KLC1: variants seen among roughly 807,000 people sequenced by gnomAD.
KLC1 encodes kinesin 2 60/70kDa.
A neutral mutation model predicts 84.2 loss-of-function variants in KLC1; 30 were observed. The ratio of observed to expected loss-of-function variants is 0.36; its 90% CI spans 0.27 to 0.48. The LOEUF (loss-of-function observed/expected upper bound fraction) is 0.48, where lower values mean the gene tolerates loss of function less well. Ranked by LOEUF, KLC1 falls within the 20% of genes least tolerant of loss-of-function variation. KLC1 has a pLI of 0.99. For synonymous variants in KLC1, 289 were observed against 293.3 expected (o/e 0.99, Z 0.15); for missense variants, 499 against 805.4 (o/e 0.62, Z 4.60).
chr14:103,676,743 A>G (rs966228526), intron 11 of KLC1, among the ~76,000 whole-genome samples: 2 of 151,526 alleles, frequency 1.3e-5, no homozygotes, highest in African/African-American at 4.9e-5. Context: ...AGTGAACAGA[A>G]CTCTCTCGAA....
chr14:103,696,188 A>G (rs1316925154), intron 15 of KLC1: 20 of 979,652 alleles, frequency 2.0e-5, no homozygotes, highest in East Asian at 2.4e-4. Flanking sequence ...GGCGGACAGC[A>G]TATCTCTGGG....
intron 1 of KLC1, among the ~76,000 whole-genome samples, chr14:103,644,815 G>A (rs991437827): frequency 5.0e-4 from 76 of 152,246 alleles, no homozygotes; most frequent in African/African-American, 1.7e-3. Flanking sequence ...TTTTTGGGGG[G>A]TCAAGTTCTA....
Position 103,640,002 on chromosome 14 carries a change from G to A in KLC1, c.-2+10508G>A, listed in dbSNP as rs532882555. Among the ~76,000 whole-genome samples, 68 of 151,922 alleles carry A rather than the reference G, an allele frequency of 4.5e-4. 1 individual carries two copies. Among genetic ancestry groups the A allele is most frequent in the Non-Finnish European group, 8.1e-4 (55 of 68,012 alleles). On this transcript the variant is annotated intron_variant, in intron 1 of 16. Transcript: ENST00000334553. ...AATCCTGAGCTCAAGAGATCCACCC[G>A]CCTTGGCCTCCCAAAGTGCTGGGAT...
intron 1 of KLC1, among the ~76,000 whole-genome samples, chr14:103,635,952 A>G (rs987028667): frequency 6.6e-6 from 1 of 152,140 alleles, no homozygotes; most frequent in African/African-American, 2.4e-5. Flanking sequence ...GTGAATCATG[A>G]TAATGCTGTT....
chr14:103,672,741 G>T (rs910170667), intron 7 of KLC1, among the ~76,000 whole-genome samples: 2 of 152,094 alleles, frequency 1.3e-5, no homozygotes, highest in African/African-American at 4.8e-5. Context: ...TACAACCAAT[G>T]TACAAAAATA....
intron 13 of KLC1, chr14:103,686,472 C>G (rs1329200596): frequency 6.5e-6 from 1 of 152,992 alleles, no homozygotes; most frequent in African/African-American, 2.4e-5. Context: ...ACTCTCACCT[C>G]CCTACAAGGT....
At chr14:103,649,896 C>T (rs1031107761) in intron 1 of KLC1, among the ~76,000 whole-genome samples, 2 of 152,054 alleles carry the variant, frequency 1.3e-5, no homozygotes, top group African/African-American at 2.4e-5. Flanking sequence ...GGGGTTTCAC[C>T]GTGTTAGCCA....
intron 11 of KLC1, among the ~76,000 whole-genome samples, chr14:103,676,773 T>C (rs1214647119): frequency 6.6e-6 from 1 of 152,228 alleles, no homozygotes; most frequent in Non-Finnish European, 1.5e-5. Flanking sequence ...TATGCTAAAA[T>C]GAATCTAGGT....
In KLC1 at chr14:103,701,318, C is replaced by T; in HGVS notation, c.*119C>T. 1 of 1,105,392 alleles carries T rather than the reference C, an allele frequency of 9.0e-7. No homozygotes were observed. The highest frequency in any genetic ancestry group is 1.3e-6 in the Non-Finnish European group (1 of 762,462). 68.5% of individuals were successfully genotyped at this position (1,105,392 alleles called of 1,614,324 possible). ...CGGGAGCCGCAGCGCTCACTCATTT[C>T]TCCTGCGTCTGTGTGCATAGGACAT... On this transcript the variant is annotated 3_prime_UTR_variant, in exon 17 of 17. Coordinates refer to ENST00000334553, the MANE Select transcript of KLC1 (RefSeq NM_001394837.1).
In KLC1 at chr14:103,694,846, CT is replaced by C. The variant is rs2082330150; in HGVS notation, c.1848+2424del. On this transcript the variant is annotated intron_variant, in intron 15 of 16. Coordinates refer to ENST00000334553, the MANE Select transcript of KLC1 (RefSeq NM_001394837.1). The surrounding 1 kb of genome is among the most constrained non-coding windows in gnomAD (Gnocchi z 4.5). ...CCTGAGGTTTTGTTACAAGGCTAGACTTTAAAATACCTTTCAAAGTTTCATC... is the reference window on the plus strand; with the variant it reads ...CCTGAGGTTTTGTTACAAGGCTAGACTTAAAATACCTTTCAAAGTTTCATC... 1 of 985,396 alleles carries C rather than the reference CT, an allele frequency of 1.0e-6. No individual in the cohort carries two copies. Among genetic ancestry groups the C allele is most frequent in the Admixed American group, 6.1e-5 (1 of 16,276 alleles). The allele number at this position is 985,396 out of a possible 1,614,324, so 61.0% of individuals were successfully genotyped here.
intron 1 of KLC1, among the ~76,000 whole-genome samples, chr14:103,640,909 C>G (rs77100735): frequency 0.017 from 2,609 of 151,964 alleles, 68 homozygotes; most frequent in African/African-American, 0.056. Flanking sequence ...ACATTGGTAC[C>G]TTACTATTAT....
At chr14:103,667,833 A>G (rs1235418357) in intron 5 of KLC1, among the ~76,000 whole-genome samples, 1 of 152,204 alleles carries the variant, frequency 6.6e-6, no homozygotes, top group Non-Finnish European at 1.5e-5. Context: ...GGCAGTTACT[A>G]CTACTCAATT....
chr14:103,676,577 T>C (rs1312000883), intron 11 of KLC1, among the ~76,000 whole-genome samples: 1 of 152,154 alleles, frequency 6.6e-6, no homozygotes, highest in African/African-American at 2.4e-5. Flanking sequence ...CTCTTAACTT[T>C]CCTCATCCTT....
At chr14:103,683,588 ATTTAGCAGTTGTCTT>A (rs2081543549) in intron 13 of KLC1, 1 of 152,202 alleles carries the variant, frequency 6.6e-6, no homozygotes, top group Non-Finnish European at 1.5e-5. Context: ...CTGTCTCATC[ATTTAGCAGTTGTCTT>A]TACAGTGGTC....
chr14:103,688,563 C>T (rs374477681), intron 14 of KLC1, among the ~76,000 whole-genome samples: 5 of 152,276 alleles, frequency 3.3e-5, no homozygotes, highest in East Asian at 3.9e-4. Context: ...GGCCAGGGTG[C>T]GGGGTGGCCA....
intron 13 of KLC1, among the ~76,000 whole-genome samples, chr14:103,681,064 C>T (rs557146444): frequency 2.6e-4 from 39 of 152,308 alleles, no homozygotes; most frequent in African/African-American, 8.7e-4. Flanking sequence ...AAAGCAGCTG[C>T]TCCTCTGCAC....
intron 11 of KLC1, among the ~76,000 whole-genome samples, chr14:103,676,333 A>C (rs2080872201): frequency 6.6e-6 from 1 of 151,708 alleles, no homozygotes; most frequent in Admixed American, 6.6e-5. Flanking sequence ...CAATGGCGTG[A>C]TCATGGCTCA....
chr14:103,646,377 C>T (rs891217625), intron 1 of KLC1, among the ~76,000 whole-genome samples: 2 of 152,200 alleles, frequency 1.3e-5, no homozygotes, highest in Admixed American at 1.3e-4. Context: ...TCATAGCTCA[C>T]GCAGCCTTGA....
At chr14:103,696,221 A>T (rs2082499418) in intron 15 of KLC1, 1 of 984,854 alleles carries the variant, frequency 1.0e-6, no homozygotes, top group Admixed American at 6.2e-5. Flanking sequence ...CTGTGGCAGA[A>T]ATCAGGCCCC....
Sources: gnomAD v4.1 joint callset for allele counts (sites outside exome capture counted in the v4.1 genomes callset) on GRCh38, gnomAD v4.1.1 for gene constraint, Gnocchi (gnomAD v3.1) non-coding constraint, MANE v1.5 for transcripts, NCBI Gene and HGNC (gene_info 2026-07-23, HGNC 2026-07-21) for gene names.